Variants in TMED8 observed in about 807,000 individuals in gnomAD.
TMED8 encodes protein TMED8.
In TMED8, 15 loss-of-function variants were observed where a neutral mutation model predicts 32.7. That is an observed-to-expected ratio of 0.46 (90% confidence interval 0.31 to 0.71). TMED8 has a LOEUF of 0.71. Among genes scored for constraint, TMED8 ranks in the 30% least tolerant of loss-of-function variants. The pLI is 0.06. For missense variants in TMED8, 390 were observed against 423.9 expected, an observed-to-expected ratio of 0.92 and a Z score of 0.70; for synonymous variants, 147 against 161.4, an observed-to-expected ratio of 0.91 and a Z score of 0.68.
Position 77,371,028 on chromosome 14 carries a change from T to C in TMED8, c.118+5908A>G, listed in dbSNP as rs367777758. On this transcript the variant is annotated intron_variant, in intron 1 of 5. Coordinates refer to ENST00000216468, the MANE Select transcript of TMED8 (RefSeq NM_213601.3). ...TCTTTCCACTTATATCTCAAAGACC[T>C]TTCCATAACTGCACATGAAAAGCTT... is the stretch of plus-strand genomic sequence containing the variant. 3.1e-4 allele frequency among the ~76,000 whole-genome samples: 47 copies of C among 152,310 alleles called. 1 individual carries two copies. The South Asian group carries it at 9.1e-3, about 30-fold the overall frequency.
rs533787381 is a variant in TMED8, at chr14:77,341,177, G to A, written c.*594C>T. On this transcript the variant is annotated 3_prime_UTR_variant, in exon 6 of 6. Coordinates refer to ENST00000216468, the MANE Select transcript of TMED8 (RefSeq NM_213601.3). ...CATAGACTTAGGAAAGAGAAAGGAG[G>A]GGGTGTCTACCATCAGGAATAGTAA... 1 of 153,066 alleles carries A rather than the reference G, an allele frequency of 6.5e-6. No individual in the cohort carries two copies. Among genetic ancestry groups the A allele is most frequent in the Admixed American group, 6.5e-5 (1 of 15,382 alleles). The allele number at this position is 153,066 out of a possible 1,614,324, so 9.5% of individuals were successfully genotyped here.
chr14:77,335,633 T>G lies in TMED8; in HGVS notation c.*6138A>C, dbSNP rs932109498. 6.6e-6 allele frequency: 1 copy of G among 152,228 alleles called. No individual in the cohort carries two copies. The allele number at this position is 152,228 out of a possible 1,614,324, so 9.4% of individuals were successfully genotyped here. A position where few individuals can be genotyped will look rare whatever the true frequency, so the allele number is the denominator to read the frequency against. On this transcript the variant is annotated 3_prime_UTR_variant, in exon 6 of 6. Coordinates refer to ENST00000216468, the MANE Select transcript of TMED8 (RefSeq NM_213601.3). ...CTTCAAGCACCTCCCTTTATTCCAA[T>G]TATCCTTTTCCAAAGTCTGGCTTTC...
chr14:77,370,277 C>T (rs1893648083), intron 1 of TMED8, among the ~76,000 whole-genome samples: 1 of 152,070 alleles, frequency 6.6e-6, no homozygotes, highest in Non-Finnish European at 1.5e-5. Context: ...TCCTTTGGAT[C>T]GTAATGAAGA....
At position 77,351,553 on chromosome 14, in the gene TMED8, G is replaced by A. The variant is rs535735416; in HGVS notation, c.197+120C>T. ...TGGGATTACAGGCGTGAGCCACTGC[G>A]CCCGGCCCACATTCTTTACTTTAAC... is the stretch of plus-strand genomic sequence containing the variant. On this transcript the variant is annotated intron_variant, in intron 2 of 5. Coordinates refer to ENST00000216468, the MANE Select transcript of TMED8 (RefSeq NM_213601.3). The A allele has an allele frequency of 5.9e-5, 53 of 894,552 alleles. 2 individuals are homozygous for A. In the East Asian group the frequency reaches 7.5e-4, roughly 13 times the overall value. 55.4% of individuals were successfully genotyped at this position (894,552 alleles called of 1,614,324 possible).
intron 1 of TMED8, among the ~76,000 whole-genome samples, chr14:77,367,253 A>C (rs889283453): frequency 4.0e-5 from 6 of 151,092 alleles, no homozygotes; most frequent in African/African-American, 7.3e-5. Context: ...AAAAAAAAAA[A>C]AAAAAAAAAA....
At chr14:77,352,295 T>C (rs1187777452) in intron 1 of TMED8, among the ~76,000 whole-genome samples, 2 of 152,008 alleles carry the variant, frequency 1.3e-5, no homozygotes, top group Non-Finnish European at 2.9e-5. Flanking sequence ...ACACCTGTAA[T>C]CCTAGCTACT....
rs1874015072 is a variant in TMED8 at position 77,376,538 on chromosome 14, G to C, written c.118+398C>G. ...GGGACTGAGATGGGGATAGGGTGGG[G>C]AGCCAGAAGCAGGGGGCGGCGAGGC... On this transcript the variant is annotated intron_variant, in intron 1 of 5. Transcript: ENST00000216468. The surrounding 1 kb of genome is among the most constrained non-coding windows in gnomAD (Gnocchi z 4.0). Among the ~76,000 whole-genome samples, 2 of 152,068 alleles carry C rather than the reference G, an allele frequency of 1.3e-5. No individual in the cohort carries two copies. The highest frequency in any genetic ancestry group is 4.8e-5 in the African/African-American group (2 of 41,416).
At position 77,342,024 on chromosome 14, in the gene TMED8, CG is replaced by C. The variant is rs1441530410; in HGVS notation, c.761-37del. 1.9e-6 allele frequency: 3 copies of C among 1,595,588 alleles called. No individual in the cohort carries two copies. In the African/African-American group the frequency reaches 4.0e-5, roughly 21 times the overall value. ...AAAATGGCAAAGTGTTCAGAGACTGCGTAAGTCCTGCCTGAAGGTGAGCGGA... is the reference window on the plus strand; with the variant it reads ...AAAATGGCAAAGTGTTCAGAGACTGCTAAGTCCTGCCTGAAGGTGAGCGGA... On this transcript the variant is annotated intron_variant, in intron 5 of 5. Transcript: ENST00000216468.
intron 1 of TMED8, among the ~76,000 whole-genome samples, chr14:77,364,496 G>A (rs57225979): frequency 0.097 from 14,798 of 151,892 alleles, 1,248 homozygotes; most frequent in African/African-American, 0.23. Context: ...CCTCCCACAC[G>A]GGCCATCCAT....
chr14:77,347,546 G>C (rs554351591), intron 2 of TMED8, among the ~76,000 whole-genome samples: 47 of 152,308 alleles, frequency 3.1e-4, no homozygotes, highest in Non-Finnish European at 5.0e-4. Context: ...GGGATCACAG[G>C]CATGTGCCAC....
intron 1 of TMED8, among the ~76,000 whole-genome samples, chr14:77,356,206 A>T (rs1268185651): frequency 1.1e-4 from 16 of 152,220 alleles, no homozygotes; most frequent in Admixed American, 8.5e-4. Flanking sequence ...GCATGAAAAG[A>T]AGATACAGAG....
At chr14:77,347,156 C>T (rs892705071) in intron 2 of TMED8, among the ~76,000 whole-genome samples, 9 of 152,170 alleles carry the variant, frequency 5.9e-5, no homozygotes, top group Non-Finnish European at 1.0e-4. Flanking sequence ...CACTCTGCGG[C>T]CCACAGGGCC....
In TMED8 at chr14:77,366,887, A is replaced by G. The variant is rs1023471417; in HGVS notation, c.118+10049T>C. Among the ~76,000 whole-genome samples the G allele has an allele frequency of 3.3e-5, 5 of 152,240 alleles. No individual in the cohort carries two copies. In the East Asian group the frequency reaches 9.7e-4, roughly 29 times the overall value. On this transcript the variant is annotated intron_variant, in intron 1 of 5. Coordinates refer to ENST00000216468, the MANE Select transcript of TMED8 (RefSeq NM_213601.3). The stretch of plus-strand genomic sequence containing the variant: ...GCAAATACGAATAGAAGTGATATGC[A>G]CTCAGGCAATCCAAGATCAAAGTCA...
chr14:77,370,742 A>AGTGTGTGTGT (rs33940271), intron 1 of TMED8, among the ~76,000 whole-genome samples: 29 of 150,118 alleles, frequency 1.9e-4, no homozygotes, highest in East Asian at 1.6e-3. Context: ...TATAAAAAAA[A>AGTGTGTGTGT]GTGTGTGTGT....
intron 1 of TMED8, among the ~76,000 whole-genome samples, chr14:77,363,111 T>C (rs188652342): frequency 6.6e-6 from 1 of 152,302 alleles, no homozygotes; most frequent in East Asian, 1.9e-4. Flanking sequence ...TGAACTACAC[T>C]TAGGACCAAA....
At chr14:77,352,861 A>G (rs1310504479) in intron 1 of TMED8, among the ~76,000 whole-genome samples, 2 of 152,234 alleles carry the variant, frequency 1.3e-5, no homozygotes, top group Non-Finnish European at 2.9e-5. Context: ...CAAAGTATAA[A>G]GTGTCACTTC....
Position 77,338,805 on chromosome 14 carries a change from A to C in TMED8, c.*2966T>G, listed in dbSNP as rs1046930945. Reference sequence around the variant, plus strand: ...ATATTTCTTTTAAGCTGTTTGCTGAAATTTTTTCACAATAAAACACTGGGG... The same window carrying C: ...ATATTTCTTTTAAGCTGTTTGCTGACATTTTTTCACAATAAAACACTGGGG... On this transcript the variant is annotated 3_prime_UTR_variant, in exon 6 of 6. Transcript: ENST00000216468. 8 of 152,186 alleles carry C rather than the reference A, an allele frequency of 5.3e-5. No individual in the cohort carries two copies. The highest frequency in any genetic ancestry group is 3.9e-4 in the Admixed American group (6 of 15,268). The allele number at this position is 152,186 out of a possible 1,614,324, so 9.4% of individuals were successfully genotyped here. A position where few individuals can be genotyped will look rare whatever the true frequency, so the allele number is the denominator to read the frequency against.
chr14:77,350,577 C>T (rs527359674), intron 2 of TMED8, among the ~76,000 whole-genome samples: 1 of 152,314 alleles, frequency 6.6e-6, no homozygotes, highest in South Asian at 2.1e-4. Flanking sequence ...GCTTGACTTA[C>T]TGTGTGTGAC....
rs955673111 is a variant in TMED8 at position 77,377,066 on chromosome 14, C to T, written c.-13G>A. 9 of 1,345,658 alleles carry T rather than the reference C, an allele frequency of 6.7e-6. No individual in the cohort carries two copies. Among genetic ancestry groups the T allele is most frequent in the Non-Finnish European group, 8.6e-6 (9 of 1,049,502 alleles). The allele number at this position is 1,345,658 out of a possible 1,614,324, so 83.4% of individuals were successfully genotyped here. The stretch of plus-strand genomic sequence containing the variant: ...GCAGGTCAGACATCTGCAGCCCGCG[C>T]ACGGAGCTCTCCGCTGCCAGCCGCG... On this transcript the variant is annotated 5_prime_UTR_variant, in exon 1 of 6. Coordinates refer to ENST00000216468, the MANE Select transcript of TMED8 (RefSeq NM_213601.3).
Sources: allele counts gnomAD v4.1 joint callset (sites outside exome capture counted in the v4.1 genomes callset), GRCh38; gene constraint gnomAD v4.1.1; non-coding constraint Gnocchi (gnomAD v3.1); transcripts MANE v1.5; gene names NCBI Gene and HGNC (gene_info 2026-07-23, HGNC 2026-07-21).